SLC9A2: variants seen among roughly 807,000 people sequenced by gnomAD.
SLC9A2 encodes the protein sodium/hydrogen exchanger 2.
Under a neutral mutation model 71.7 loss-of-function variants are expected in SLC9A2, and 42 were observed. The observed-to-expected ratio is 0.59, with a 90% CI of 0.46 to 0.76. The LOEUF is 0.76. Ranked by LOEUF, SLC9A2 falls within the 30% of genes least tolerant of loss-of-function variation. The pLI is 0.00. For missense variants in SLC9A2, 829 were observed against 1,017.4 expected (o/e 0.81, Z 2.52); for synonymous variants, 396 against 392.5 (o/e 1.01, Z -0.10).
chr2:102,704,399 T>G, intron 9 of SLC9A2, 145 bp from the exon 10 acceptor site: 1 of 558,550 alleles, frequency 1.8e-6, no homozygotes, highest in Non-Finnish European at 3.1e-6. Context: ...ATACTGTTAA[T>G]TTAATTTTTT....
At chr2:102,662,719 CAGTG>C (rs895764675) in intron 2 of SLC9A2, among the ~76,000 whole-genome samples, 3 of 151,534 alleles carry the variant, frequency 2.0e-5, no homozygotes, top group African/African-American at 7.3e-5. Context: ...TTTTATGGAA[CAGTG>C]ATGAAATCCT....
chr2:102,708,343 C>T lies in SLC9A2; in HGVS notation c.2293C>T (p.Gln765Ter). The change falls in exon 12 of 12, where the codon CAG (glutamine) becomes TAG (stop). Residue 765 changes from glutamine to a stop codon, truncating the protein, a stop_gained. Coordinates refer to ENST00000233969, the MANE Select transcript of SLC9A2 (RefSeq NM_003048.6). LOFTEE classifies it low-confidence loss of function (END_TRUNC). ...CACCCAGACGTCAGGCTTACTACAG[C>T]AGCCCCTTCTCTCTAAAGACCAGTC... ...KGTQTSGLLQ[Q>*]PLLSKDQSGS... 1 of 1,614,238 alleles carries T rather than the reference C, an allele frequency of 6.2e-7. No individual in the cohort carries two copies. Among genetic ancestry groups the T allele is most frequent in the Middle Eastern group, 1.6e-4 (1 of 6,062 alleles).
chr2:102,619,776 G>A lies in SLC9A2; in HGVS notation c.-73G>A, dbSNP rs988508980. On this transcript the variant is annotated 5_prime_UTR_variant, in exon 1 of 12. Transcript: ENST00000233969. This position sits in a 1 kb window ranked among gnomAD's most constrained non-coding sequence, Gnocchi z 4.3. The stretch of plus-strand genomic sequence containing the variant: ...CACGGGGCAGGGCGGAGCGGGCTGA[G>A]CAGCCCGGGCGCGATGCGTTGAGCG... 1.6e-5 allele frequency: 22 copies of A among 1,353,702 alleles called. No homozygotes were observed. Among genetic ancestry groups the A allele is most frequent in the Non-Finnish European group, 1.8e-5 (19 of 1,027,862 alleles). The allele number at this position is 1,353,702 out of a possible 1,614,324, so 83.9% of individuals were successfully genotyped here.
intron 5 of SLC9A2, among the ~76,000 whole-genome samples, chr2:102,687,805 G>C (rs1462883495): frequency 6.6e-6 from 1 of 151,498 alleles, no homozygotes; most frequent in Non-Finnish European, 1.5e-5. Context: ...TTGAGACAGA[G>C]TGTCACTCTG....
At chr2:102,707,107 G>A (rs951601763) in intron 11 of SLC9A2, among the ~76,000 whole-genome samples, 9 of 152,150 alleles carry the variant, frequency 5.9e-5, no homozygotes, top group African/African-American at 2.2e-4. Context: ...GGGGAGATAG[G>A]GAGCTGGGCA....
At chr2:102,621,349 A>AG (rs1309266505) in intron 1 of SLC9A2, among the ~76,000 whole-genome samples, 1 of 112,842 alleles carries the variant, frequency 8.9e-6, no homozygotes, top group East Asian at 2.3e-4. Context: ...ACCTTGTCTC[A>AG]GGGAAAAAAA....
At chr2:102,625,241 C>A (rs1034169064) in intron 1 of SLC9A2, among the ~76,000 whole-genome samples, 1 of 152,186 alleles carries the variant, frequency 6.6e-6, no homozygotes, top group Non-Finnish European at 1.5e-5. Flanking sequence ...TCTCTAAAAA[C>A]CAATTTGGGT....
intron 1 of SLC9A2, among the ~76,000 whole-genome samples, chr2:102,645,905 C>G (rs1676714485): frequency 6.6e-6 from 1 of 152,036 alleles, no homozygotes; most frequent in Non-Finnish European, 1.5e-5. Context: ...GAGAACTTCC[C>G]CAACCTAGCA....
At chr2:102,670,258 C>T (rs111704228) in intron 3 of SLC9A2, among the ~76,000 whole-genome samples, 8,766 of 151,502 alleles carry the variant, frequency 0.058, 507 homozygotes, top group African/African-American at 0.15. Context: ...CCTCGTGATC[C>T]GCCCACCTCG....
At chr2:102,694,537 T>C (rs771378448) in intron 6 of SLC9A2, 34 bp downstream of exon 6, 6 of 1,102,738 alleles carry the variant, frequency 5.4e-6, no homozygotes, top group Non-Finnish European at 7.8e-6. Flanking sequence ...ATTTTAATGA[T>C]AAAGGAAAAA....
rs1197877519 is a variant in SLC9A2, at chr2:102,665,217, T to C, written c.871T>C (p.Phe291Leu). 6.2e-7 allele frequency: 1 copy of C among 1,614,152 alleles called. No homozygotes were observed. Among genetic ancestry groups the C allele is most frequent in the Non-Finnish European group, 8.5e-7 (1 of 1,180,024 alleles). Residue 291 changes from phenylalanine to leucine, a missense_variant, in exon 3 of 12, where the codon TTC (phenylalanine) becomes CTC (leucine). Physicochemically the swap from Phe to Leu is conservative, Grantham distance 22 (BLOSUM62 0). Transcript: ENST00000233969. ...VGIGGVLIGI[F>L]LGFIAAFTTR... ...AATCGGTGGGGTGCTGATTGGCATC[T>C]TCTTGGGCTTTATAGCGGCATTTAC...
chr2:102,679,235 C>T (rs934597303), intron 3 of SLC9A2, among the ~76,000 whole-genome samples: 6 of 152,112 alleles, frequency 3.9e-5, no homozygotes, highest in Admixed American at 1.3e-4. Flanking sequence ...TGGTAGGAAA[C>T]TTCACTGAGT....
At chr2:102,695,792 T>TATATATAATATATATTAA (rs1558723256) in intron 7 of SLC9A2, among the ~76,000 whole-genome samples, 4 of 39,878 alleles carry the variant, frequency 1.0e-4, no homozygotes, top group African/African-American at 3.3e-4. Flanking sequence ...ATATATATTA[T>TATATATAATATATATTAA]ATATATATTA....
At chr2:102,678,328 T>TAAA (rs11412239) in intron 3 of SLC9A2, among the ~76,000 whole-genome samples, 1,666 of 142,840 alleles carry the variant, frequency 0.012, 27 homozygotes, top group African/African-American at 0.041. Flanking sequence ...TATGGAAAAT[T>TAAA]AAAAAAAAAA....
chr2:102,665,773 T>TAAA (rs11426516), intron 3 of SLC9A2, among the ~76,000 whole-genome samples: 5,522 of 38,618 alleles, frequency 0.14, 1,145 homozygotes, highest in East Asian at 0.25. Flanking sequence ...GACTCTGTCT[T>TAAA]AAAAAAAAAA....
rs1353049406 is a variant in SLC9A2, at chr2:102,680,113, T to C, written c.1005-3148T>C. ...TAGGATTAGAGAATTAAAAAATATA[T>C]GTCCATTATAAATTAGTTTTATTAC... is the stretch of plus-strand genomic sequence containing the variant. On this transcript the variant is annotated intron_variant, in intron 3 of 11. Transcript: ENST00000233969. Among the ~76,000 whole-genome samples the C allele has an allele frequency of 2.6e-5, 4 of 152,320 alleles. No individual in the cohort carries two copies. The East Asian group carries it at 7.7e-4, about 29-fold the overall frequency.
chr2:102,686,863 G>A (rs1677556482), intron 5 of SLC9A2: 1 of 152,340 alleles, frequency 6.6e-6, no homozygotes, highest in Non-Finnish European at 1.5e-5. Context: ...AGGACAGGAG[G>A]AGGATAGATG....
chr2:102,629,715 T>A (rs1676321544), intron 1 of SLC9A2, among the ~76,000 whole-genome samples: 2 of 152,158 alleles, frequency 1.3e-5, no homozygotes, highest in African/African-American at 4.8e-5. Context: ...TTTGCTATTC[T>A]TTTTAAGGAT....
chr2:102,674,170 T>C (rs967619178), intron 3 of SLC9A2, among the ~76,000 whole-genome samples: 3 of 152,142 alleles, frequency 2.0e-5, no homozygotes, highest in African/African-American at 7.2e-5. Flanking sequence ...GTTCTGAGGA[T>C]GACACGCTTC....
Sources: allele counts gnomAD v4.1 joint callset (sites outside exome capture counted in the v4.1 genomes callset), GRCh38; gene constraint gnomAD v4.1.1; non-coding constraint Gnocchi (gnomAD v3.1); transcripts MANE v1.5; gene names NCBI Gene and HGNC (gene_info 2026-07-23, HGNC 2026-07-21).